The following GART variants were observed in gnomAD, a reference collection of about 807,000 sequenced individuals.
GART encodes phosphoribosylglycinamide formyltransferase, phosphoribosylglycinamide synthetase, phosphoribosylaminoimidazole synthetase.
A neutral mutation model predicts 107.2 loss-of-function variants in GART; 43 were observed. That is an observed-to-expected ratio of 0.40 (90% CI 0.31 to 0.52). GART has a LOEUF of 0.52. GART is among the 20% of genes least tolerant of loss of function. GART has a pLI of 0.52. For missense variants in GART, 1,107 were observed against 1,206.5 expected (o/e 0.92, Z 1.22); for synonymous variants, 434 against 427.0 (o/e 1.02, Z -0.20).
At position 33,539,162 on chromosome 21, in the gene GART, C is replaced by T. The variant is rs1364815640; in HGVS notation, c.145+9G>A. The T allele has an allele frequency of 2.5e-6, 4 of 1,609,386 alleles. No individual in the cohort carries two copies. Among genetic ancestry groups the T allele is most frequent in the South Asian group, 1.1e-5 (1 of 90,460 alleles). On this transcript the variant is annotated intron_variant, in intron 2 of 21. Coordinates refer to ENST00000381815, the MANE Select transcript of GART (RefSeq NM_000819.5). ...ATAACTATTACTCCCCACTTTAAAA[C>T]ATGATTACCGGTATTTGAAATCTTT...
At chr21:33,530,980 G>C (rs2085176299) in intron 6 of GART, 96 bp from the exon 7 acceptor site, 1 of 1,178,654 alleles carries the variant, frequency 8.5e-7, no homozygotes, top group Admixed American at 3.9e-5. Flanking sequence ...ATTCTTCTTT[G>C]AGGAAAAGTT....
At chr21:33,533,922 T>TG (rs964713017) in intron 4 of GART, among the ~76,000 whole-genome samples, 4 of 136,626 alleles carry the variant, frequency 2.9e-5, no homozygotes, top group African/African-American at 1.1e-4. Context: ...GGGGTGGTGG[T>TG]GGGGGGCGGG....
At chr21:33,510,490 C>T (rs368839926) in intron 17 of GART, among the ~76,000 whole-genome samples, 1 of 152,108 alleles carries the variant, frequency 6.6e-6, no homozygotes, top group African/African-American at 2.4e-5. Context: ...CCACCACGCC[C>T]GGCTAATGTT....
chr21:33,505,622 G>A lies in GART; in HGVS notation c.2664C>T (p.Asp888=), dbSNP rs1156693274. The A allele has an allele frequency of 1.9e-6, 3 of 1,612,966 alleles. No homozygotes were observed. Among genetic ancestry groups the A allele is most frequent in the African/African-American group, 1.3e-5 (1 of 74,890 alleles). ...IDLVLEEFSI[D]IVCLAGFMRI... is the part of the protein sequence containing the mutation. ...TCATGAATCCTGCAAGACAGACTAT[G>A]TCTATGGAGAACTCTTCAAGGACTA... The change falls in exon 20 of 22, where the codon GAC becomes GAT. Residue 888 remains aspartate, a synonymous_variant. Transcript: ENST00000381815.
intron 14 of GART, chr21:33,518,514 C>A: frequency 5.4e-6 from 1 of 183,868 alleles, no homozygotes; most frequent in African/African-American, 2.4e-5. Context: ...TGTGTATAAG[C>A]AAAAACTGAA....
In GART at chr21:33,505,648, G is replaced by C; in HGVS notation, c.2638C>G (p.Leu880Val). 6.2e-7 allele frequency: 1 copy of C among 1,611,822 alleles called. No individual in the cohort carries two copies. The highest frequency in any genetic ancestry group is 8.5e-7 in the Non-Finnish European group (1 of 1,178,552). Residue 880 changes from leucine to valine, a missense_variant, in exon 20 of 22, where the codon CTA becomes GTA. Coordinates refer to ENST00000381815, the MANE Select transcript of GART (RefSeq NM_000819.5). The part of the protein sequence containing the change: ...NRVEFDSAID[L>V]VLEEFSIDIV... ...TCTATGGAGAACTCTTCAAGGACTA[G>C]GTCAATTGCACTGTCAAATTCTACA...
intron 14 of GART, chr21:33,519,172 A>G: frequency 4.1e-6 from 1 of 244,544 alleles, no homozygotes; most frequent in Non-Finnish European, 8.2e-6. Context: ...TTGGTGCTCA[A>G]GGGGTCCTGG....
At chr21:33,522,709 C>T (rs1043869534) in intron 11 of GART, among the ~76,000 whole-genome samples, 5 of 152,240 alleles carry the variant, frequency 3.3e-5, no homozygotes, top group East Asian at 1.9e-4. Flanking sequence ...GCTGTGCACC[C>T]GGCACCATCA....
Position 33,504,281 on chromosome 21 carries a change from T to C in GART, c.2876A>G (p.Glu959Gly). The part of the protein sequence containing the change: ...DVDAGQIILQ[E>G]AVPVKRGDTV... Reference sequence around the variant, plus strand: ...ATCACCCCTCTTCACGGGAACAGCTTCTTGCAAAATAATCTGTCCAGCATC... The same window carrying C: ...ATCACCCCTCTTCACGGGAACAGCTCCTTGCAAAATAATCTGTCCAGCATC... Residue 959 changes from glutamate (E) to glycine (G), a missense_variant, in exon 22 of 22, where the codon GAA becomes GGA. Coordinates refer to ENST00000381815, the MANE Select transcript of GART (RefSeq NM_000819.5). The C allele has an allele frequency of 6.2e-7, 1 of 1,614,182 alleles. No homozygotes were observed. The highest frequency in any genetic ancestry group is 8.5e-7 in the Non-Finnish European group (1 of 1,180,034).
chr21:33,519,723 G>A (rs747398684), intron 14 of GART, among the ~76,000 whole-genome samples: 10 of 151,950 alleles, frequency 6.6e-5, no homozygotes, highest in Non-Finnish European at 1.3e-4. Context: ...AACTACTTGG[G>A]AGGCTGAAGC....
At chr21:33,520,302 T>C (rs189615825) in intron 14 of GART, 62 bp downstream of exon 14, 39 of 1,481,354 alleles carry the variant, frequency 2.6e-5, no homozygotes, top group Non-Finnish European at 3.6e-5. Flanking sequence ...ATCACATTTT[T>C]ACATAGGGCT....
At position 33,512,067 on chromosome 21, in the gene GART, C is replaced by T. The variant is rs188709364; in HGVS notation, c.2108-609G>A. On this transcript the variant is annotated intron_variant, in intron 16 of 21. Transcript: ENST00000381815. ...TTGAGAGGCTGAGGTGGGCGGATCA[C>T]GAGGTCAGGAGATCGAGACCACCCT... is the stretch of plus-strand genomic sequence containing the variant. Among the ~76,000 whole-genome samples the T allele has an allele frequency of 3.6e-3, 545 of 151,834 alleles. 3 individuals are homozygous for T. The highest frequency in any genetic ancestry group is 0.013 in the African/African-American group (518 of 41,384).
At chr21:33,528,496 A>G (rs768051822) in intron 9 of GART, 23 bp downstream of exon 9, 1 of 1,572,108 alleles carries the variant, frequency 6.4e-7, no homozygotes, top group Admixed American at 1.8e-5. Context: ...TCTACCAAGT[A>G]ATACTTTGAT....
chr21:33,539,370 A>T lies in GART; in HGVS notation c.-41-14T>A. ...GGAAAATGAAACCTGCAGAAAGAAA[A>T]CCACAGTTTATATCTTAGGATGCAC... On this transcript the variant is annotated splice_polypyrimidine_tract_variant and intron_variant, in intron 1 of 21. Coordinates refer to ENST00000381815, the MANE Select transcript of GART (RefSeq NM_000819.5). 8 of 1,579,714 alleles carry T rather than the reference A, an allele frequency of 5.1e-6. No homozygotes were observed. The Middle Eastern group carries it at 1.2e-3, about 235-fold the overall frequency.
At chr21:33,508,452 A>G (rs1455272140) in intron 18 of GART, among the ~76,000 whole-genome samples, 1 of 151,676 alleles carries the variant, frequency 6.6e-6, no homozygotes, top group Non-Finnish European at 1.5e-5. Context: ...TATACCTGAT[A>G]GAAAAATTTT....
chr21:33,504,538 A>G lies in GART; in HGVS notation c.2726-11T>C, dbSNP rs750374576. Reference sequence around the variant, plus strand: ...TATTGAGCATTTTTCCTAAAAATTAAAAAAAGCATAGTGGTCAGAATTTAA... The same window carrying G: ...TATTGAGCATTTTTCCTAAAAATTAGAAAAAGCATAGTGGTCAGAATTTAA... On this transcript the variant is annotated splice_polypyrimidine_tract_variant and intron_variant, in intron 20 of 21. Coordinates refer to ENST00000381815, the MANE Select transcript of GART (RefSeq NM_000819.5). 8 of 1,574,604 alleles carry G rather than the reference A, an allele frequency of 5.1e-6. No individual in the cohort carries two copies. In the Admixed American group the frequency reaches 1.0e-4, roughly 20 times the overall value.
chr21:33,536,945 T>C (rs574868546), intron 2 of GART, among the ~76,000 whole-genome samples: 207 of 152,300 alleles, frequency 1.4e-3, no homozygotes, highest in Admixed American at 2.5e-3. Flanking sequence ...AAAGTAAAAT[T>C]GTGGATAGGC....
chr21:33,511,007 A>G (rs1405398751), intron 17 of GART, among the ~76,000 whole-genome samples: 2 of 151,968 alleles, frequency 1.3e-5, no homozygotes, highest in Non-Finnish European at 2.9e-5. Context: ...GTGTAGGGAG[A>G]TTACTTTGGG....
chr21:33,510,488 C>T (rs1469173143), intron 17 of GART, among the ~76,000 whole-genome samples: 1 of 152,144 alleles, frequency 6.6e-6, no homozygotes, highest in African/African-American at 2.4e-5. Flanking sequence ...CGCCACCACG[C>T]CCGGCTAATG....
Sources: allele counts gnomAD v4.1 joint callset (sites outside exome capture counted in the v4.1 genomes callset), GRCh38; gene constraint gnomAD v4.1.1; transcripts MANE v1.5; gene names NCBI Gene and HGNC (gene_info 2026-07-23, HGNC 2026-07-21).